The following TP53BP1 variants were observed in gnomAD, a reference collection of about 807,000 sequenced individuals.
TP53BP1 encodes the protein tumor protein p53 binding protein 1, also known as TP53-binding protein 1.
TP53BP1 carries 61 observed loss-of-function variants against 200.8 expected under a neutral mutation model. That is an observed-to-expected ratio of 0.30 (90% CI 0.25 to 0.38). The LOEUF (loss-of-function observed/expected upper bound fraction) is 0.38, where lower values mean the gene tolerates loss of function less well. TP53BP1 is among the 10% of genes least tolerant of loss of function. The pLI is 1.00. For synonymous variants in TP53BP1, 822 were observed against 844.3 expected, an observed-to-expected ratio of 0.97 and a Z score of 0.46; for missense variants, 2,144 against 2,371.9, an observed-to-expected ratio of 0.90 and a Z score of 2.00.
rs1027025689 is a variant in TP53BP1, at chr15:43,406,711, A to C, written c.*672T>G. 2.3e-6 allele frequency: 1 copy of C among 429,378 alleles called. No homozygotes were observed. The highest frequency in any genetic ancestry group is 4.6e-6 in the Non-Finnish European group (1 of 217,926). 26.6% of individuals were successfully genotyped at this position (429,378 alleles called of 1,614,324 possible). A position where few individuals can be genotyped will look rare whatever the true frequency, so the allele number is the denominator to read the frequency against. On this transcript the variant is annotated 3_prime_UTR_variant, in exon 28 of 28. Coordinates refer to ENST00000382044, the MANE Select transcript of TP53BP1 (RefSeq NM_001141980.3). ...AGCTATTGTGACAATAATAATAATA[A>C]TAATATTGGGTCTTTGACTAGAACG...
intron 10 of TP53BP1, among the ~76,000 whole-genome samples, chr15:43,471,240 A>C (rs919137874): frequency 6.6e-5 from 10 of 152,158 alleles, no homozygotes; most frequent in African/African-American, 2.2e-4. Flanking sequence ...AAAAAAAAAA[A>C]CTGAGTCATA....
rs1398650318 is a variant in TP53BP1, at chr15:43,406,693, G to A, written c.*690C>T. ...AGGGAAGGAACTGCTTCCAGCTATT[G>A]TGACAATAATAATAATAATAATATT... is the stretch of plus-strand genomic sequence containing the variant. On this transcript the variant is annotated 3_prime_UTR_variant, in exon 28 of 28. Coordinates refer to ENST00000382044, the MANE Select transcript of TP53BP1 (RefSeq NM_001141980.3). 7 of 440,010 alleles carry A rather than the reference G, an allele frequency of 1.6e-5. No individual in the cohort carries two copies. The highest frequency in any genetic ancestry group is 1.4e-4 in the African/African-American group (7 of 48,908). 27.3% of individuals were successfully genotyped at this position (440,010 alleles called of 1,614,324 possible).
chr15:43,505,328 C>T (rs118052146), intron 1 of TP53BP1, among the ~76,000 whole-genome samples: 3 of 152,262 alleles, frequency 2.0e-5, no homozygotes, highest in African/African-American at 4.8e-5. Flanking sequence ...CTCTTTACCA[C>T]CATCATCTCT....
intron 24 of TP53BP1, chr15:43,412,683 G>A (rs1773924432): frequency 2.1e-6 from 1 of 471,270 alleles, no homozygotes; most frequent in African/African-American, 2.0e-5. Flanking sequence ...CTCCACATGG[G>A]TTTGCTCTAG....
chr15:43,413,428 T>C, intron 23 of TP53BP1, 94 bp from the exon 24 acceptor site: 1 of 995,380 alleles, frequency 1.0e-6, no homozygotes, highest in Non-Finnish European at 1.5e-6. Flanking sequence ...AAGCATGACC[T>C]GATGGGCAGG....
At chr15:43,409,868 G>A (rs1484762525) in intron 24 of TP53BP1, 127 bp from the exon 25 acceptor site, 2 of 466,590 alleles carry the variant, frequency 4.3e-6, no homozygotes, top group Non-Finnish European at 7.5e-6. Flanking sequence ...CCCAAAGACA[G>A]GCCAAGGGCT....
Position 43,415,691 on chromosome 15 carries a change from G to A in TP53BP1, c.4992C>T (p.Ala1664=), listed in dbSNP as rs774183732. 5 of 1,614,096 alleles carry A rather than the reference G, an allele frequency of 3.1e-6. No homozygotes were observed. The Admixed American group carries it at 5.0e-5, about 16-fold the overall frequency. ...TTTTGCCTGAGAGAACTCCCATGGA[G>A]GCACGAGGACTTTCTGTGATCTTTC... ...PTRKITESPR[A]SMGVLSGKRK... is the part of the protein sequence containing the mutation. The change falls in exon 23 of 28, where the codon GCC becomes GCT. Residue 1664 remains alanine (A), a synonymous_variant. Coordinates refer to ENST00000382044, the MANE Select transcript of TP53BP1 (RefSeq NM_001141980.3).
chr15:43,421,241 C>T, intron 19 of TP53BP1, 67 bp from the exon 20 acceptor site: 2 of 1,561,344 alleles, frequency 1.3e-6, no homozygotes, highest in Non-Finnish European at 1.8e-6. Flanking sequence ...AAAGTCTCCC[C>T]TTGGCCCTCA....
At chr15:43,493,595 G>A (rs1172201183), upstream of TP53BP1, among the ~76,000 whole-genome samples, 1 of 152,048 alleles carries the variant, frequency 6.6e-6, no homozygotes, top group African/African-American at 2.4e-5. Flanking sequence ...GAACCCAACA[G>A]AAGAGACTCT....
intron 21 of TP53BP1, chr15:43,416,678 G>C (rs557080235): frequency 1.6e-4 from 51 of 312,782 alleles, no homozygotes; most frequent in Admixed American, 9.0e-4. Context: ...CCCAAAGACA[G>C]CCATTGTGGA....
intron 18 of TP53BP1, among the ~76,000 whole-genome samples, chr15:43,422,457 T>C (rs1337548355): frequency 6.6e-6 from 1 of 152,224 alleles, no homozygotes; most frequent in African/African-American, 2.4e-5. Flanking sequence ...AAAGAGTTTA[T>C]CTTTTTATTG....
At chr15:43,491,175 G>C (rs2079116930) in intron 4 of TP53BP1, among the ~76,000 whole-genome samples, 1 of 151,694 alleles carries the variant, frequency 6.6e-6, no homozygotes, top group South Asian at 2.1e-4. Flanking sequence ...CCGCCTCCCA[G>C]GTTCAAGCAA....
At position 43,407,568 on chromosome 15, in the gene TP53BP1, T is replaced by C. The variant is rs1212512083; in HGVS notation, c.5749A>G (p.Ile1917Val). The C allele has an allele frequency of 6.2e-7, 1 of 1,609,710 alleles. No individual in the cohort carries two copies. The highest frequency in any genetic ancestry group is 1.7e-5 in the Admixed American group (1 of 59,532). ...ACCACATCAAATACCCCTAAAGCAA[T>C]ATCTGCAAGGAGCAAGGGAAAGTGA... The part of the protein sequence containing the change: ...QHHSSAHNKD[I>V]ALGVFDVVVT... The change falls in exon 28 of 28, where the codon ATT (isoleucine) becomes GTT (valine). Residue 1917 changes from isoleucine to valine, a missense_variant and splice_region_variant. Transcript: ENST00000382044.
chr15:43,407,617 G>C (rs747697725), intron 27 of TP53BP1, 47 bp from the exon 28 acceptor site: 2 of 1,545,524 alleles, frequency 1.3e-6, no homozygotes, highest in South Asian at 1.2e-5. Flanking sequence ...ACTCAACTTA[G>C]CCCTCCATTA....
chr15:43,481,773 C>T (rs996461884), intron 4 of TP53BP1, among the ~76,000 whole-genome samples: 4 of 149,964 alleles, frequency 2.7e-5, no homozygotes, highest in African/African-American at 4.9e-5. Context: ...CGAGATCGCG[C>T]CACTGCACTG....
intron 10 of TP53BP1, among the ~76,000 whole-genome samples, chr15:43,474,057 C>T (rs556403286): frequency 2.0e-4 from 30 of 152,338 alleles, no homozygotes; most frequent in African/African-American, 6.5e-4. Context: ...AGAAATCAAG[C>T]GCAGCGCCGG....
chr15:43,475,055 C>T (rs1363881662), intron 9 of TP53BP1, among the ~76,000 whole-genome samples: 1 of 152,096 alleles, frequency 6.6e-6, no homozygotes, highest in Admixed American at 6.6e-5. Context: ...GCAAAATGAG[C>T]AGTGCTAGGA....
Position 43,404,984 on chromosome 15 carries a change from GGTCT to G in TP53BP1, c.*2395_*2398del, listed in dbSNP as rs751456886. 1.4e-4 allele frequency: 79 copies of G among 567,910 alleles called. No homozygotes were observed. Among genetic ancestry groups the G allele is most frequent in the Non-Finnish European group, 2.3e-4 (75 of 323,766 alleles). 35.2% of individuals were successfully genotyped at this position (567,910 alleles called of 1,614,324 possible). A position where few individuals can be genotyped will look rare whatever the true frequency, so the allele number is the denominator to read the frequency against. On this transcript the variant is annotated 3_prime_UTR_variant, in exon 28 of 28. Transcript: ENST00000382044. ...ATTCAGTGGTAGCTGGCTTCCCAGAGGTCTGTCATTCCCATTCAGAAAATCACTT... is the reference window on the plus strand; with the variant it reads ...ATTCAGTGGTAGCTGGCTTCCCAGAGGTCATTCCCATTCAGAAAATCACTT...
At chr15:43,441,277 G>T in intron 15 of TP53BP1, 1 of 359,350 alleles carries the variant, frequency 2.8e-6, no homozygotes. Flanking sequence ...AGGGGGGAAA[G>T]GAACTCTCAC....
Sources: gnomAD v4.1 joint callset for allele counts (sites outside exome capture counted in the v4.1 genomes callset) on GRCh38, gnomAD v4.1.1 for gene constraint, MANE v1.5 for transcripts, NCBI Gene and HGNC (gene_info 2026-07-23, HGNC 2026-07-21) for gene names.